TMEM132C: variants seen among roughly 807,000 people sequenced by gnomAD.
The protein encoded by TMEM132C is transmembrane protein 132C, also known as protein phosphatase 1, regulatory subunit 152.
Under a neutral mutation model 61.4 loss-of-function variants are expected in TMEM132C, and 29 were observed. That is an observed-to-expected ratio of 0.47 (90% CI 0.35 to 0.64). The LOEUF (loss-of-function observed/expected upper bound fraction) is 0.64. Among genes scored for constraint, TMEM132C ranks in the 30% least tolerant of loss-of-function variants. The pLI is 0.00. For synonymous variants in TMEM132C, 656 were observed against 633.1 expected (o/e 1.04, Z -0.54); for missense variants, 1,408 against 1,476.9 (o/e 0.95, Z 0.76).
intron 2 of TMEM132C, among the ~76,000 whole-genome samples, chr12:128,538,295 TG>T (rs762572080): frequency 1.3e-4 from 18 of 137,242 alleles, no homozygotes; most frequent in Non-Finnish European, 2.6e-4. Flanking sequence ...TAATTTTTTT[TG>T]TATTTTCAGT....
intron 5 of TMEM132C, among the ~76,000 whole-genome samples, chr12:128,693,125 C>T (rs541896635): frequency 2.0e-5 from 3 of 152,214 alleles, no homozygotes; most frequent in East Asian, 1.9e-4. Context: ...GCACAGGGAC[C>T]GGCCTTGCCA....
At chr12:128,552,798 C>T (rs1232334808) in intron 3 of TMEM132C, among the ~76,000 whole-genome samples, 2 of 152,090 alleles carry the variant, frequency 1.3e-5, no homozygotes, top group African/African-American at 4.8e-5. Context: ...ATCCCAGCTA[C>T]TCAGGAGGCT....
chr12:128,404,628 T>A (rs1324550593), intron 1 of TMEM132C: 5 of 145,068 alleles, frequency 3.4e-5, no homozygotes, highest in Admixed American at 1.4e-4. Context: ...CTTGCCATAT[T>A]CCATTCAACC....
At chr12:128,593,175 T>C (rs1353558309) in intron 3 of TMEM132C, among the ~76,000 whole-genome samples, 1 of 150,638 alleles carries the variant, frequency 6.6e-6, no homozygotes, top group African/African-American at 2.5e-5. Context: ...TCTCTTTCTC[T>C]CTCTTCCCCT....
intron 5 of TMEM132C, among the ~76,000 whole-genome samples, chr12:128,693,027 G>A (rs777591460): frequency 6.6e-6 from 1 of 152,080 alleles, no homozygotes; most frequent in Non-Finnish European, 1.5e-5. Flanking sequence ...ATAATCCCAC[G>A]GGGTCATAGA....
At chr12:128,303,040 ATG>A (rs1032058449) in intron 1 of TMEM132C, among the ~76,000 whole-genome samples, 2 of 152,214 alleles carry the variant, frequency 1.3e-5, no homozygotes, top group African/African-American at 4.8e-5. Flanking sequence ...TAAATCAGTG[ATG>A]GGGAAAATCA....
intron 1 of TMEM132C, among the ~76,000 whole-genome samples, chr12:128,299,189 A>G (rs757475815): frequency 5.9e-5 from 9 of 152,184 alleles, no homozygotes; most frequent in Non-Finnish European, 1.0e-4. Flanking sequence ...AAATTGTACT[A>G]GAGATATTGG....
intron 1 of TMEM132C, among the ~76,000 whole-genome samples, chr12:128,270,851 C>T (rs918547043): frequency 1.3e-5 from 2 of 152,268 alleles, no homozygotes; most frequent in African/African-American, 4.8e-5. Flanking sequence ...TATTATAGTT[C>T]TTCTTCTATA....
intron 2 of TMEM132C, among the ~76,000 whole-genome samples, chr12:128,484,049 G>C (rs969863690): frequency 2.6e-5 from 4 of 152,070 alleles, no homozygotes; most frequent in Non-Finnish European, 4.4e-5. Context: ...CCCTGCAGTA[G>C]CTTAGACTGA....
intron 2 of TMEM132C, among the ~76,000 whole-genome samples, chr12:128,487,367 T>C (rs1181974654): frequency 5.3e-5 from 8 of 152,258 alleles, no homozygotes; most frequent in African/African-American, 1.9e-4. Context: ...GGCCATAATC[T>C]AACACACTAA....
At position 128,669,580 on chromosome 12, in the gene TMEM132C, G is replaced by A. The variant is rs908877791; in HGVS notation, c.1449+20G>A. 6.5e-7 allele frequency: 1 copy of A among 1,550,164 alleles called. No individual in the cohort carries two copies. The highest frequency in any genetic ancestry group is 8.7e-7 in the Non-Finnish European group (1 of 1,146,184). On this transcript the variant is annotated intron_variant, in intron 5 of 8. Transcript: ENST00000435159. ...ATCAAAGTAAGTCATTCCACAGCCA[G>A]CTGGATGGAACCGGTGGGAACTTCA...
chr12:128,592,074 A>AAG (rs1875773853), intron 3 of TMEM132C, among the ~76,000 whole-genome samples: 1 of 150,258 alleles, frequency 6.7e-6, no homozygotes, highest in African/African-American at 2.5e-5. Context: ...AAAAAAAAAA[A>AAG]CAGACACAGC....
intron 1 of TMEM132C, among the ~76,000 whole-genome samples, chr12:128,316,629 T>TA (rs1250197822): frequency 2.0e-5 from 3 of 152,162 alleles, no homozygotes; most frequent in South Asian, 2.1e-4. Flanking sequence ...AACTTAAAAT[T>TA]ACGCCTATTC....
At chr12:128,593,092 CCT>C (rs1875814258) in intron 3 of TMEM132C, among the ~76,000 whole-genome samples, 1 of 150,660 alleles carries the variant, frequency 6.6e-6, no homozygotes, top group Admixed American at 6.6e-5. Context: ...TTCTCTCTTA[CCT>C]CTCTTTCTTC....
chr12:128,399,903 A>G (rs1478862617), intron 1 of TMEM132C: 2 of 152,220 alleles, frequency 1.3e-5, no homozygotes, highest in Non-Finnish European at 2.9e-5. Flanking sequence ...AGAACACAGA[A>G]AGAGTCATTT....
At chr12:128,312,108 T>C (rs898218691) in intron 1 of TMEM132C, among the ~76,000 whole-genome samples, 1 of 152,178 alleles carries the variant, frequency 6.6e-6, no homozygotes, top group Non-Finnish European at 1.5e-5. Flanking sequence ...GAACCTTCCC[T>C]CCCTCTCTCA....
At chr12:128,617,290 G>C (rs1297127883) in intron 4 of TMEM132C, among the ~76,000 whole-genome samples, 1 of 152,164 alleles carries the variant, frequency 6.6e-6, no homozygotes, top group Non-Finnish European at 1.5e-5. Flanking sequence ...CTCTTTGTTA[G>C]TCACAAGGTG....
intron 2 of TMEM132C, among the ~76,000 whole-genome samples, chr12:128,541,027 G>GTCTCTGTCTC (rs1555230917): frequency 6.7e-6 from 1 of 149,700 alleles, no homozygotes; most frequent in South Asian, 2.2e-4. Flanking sequence ...CTCTTTCTCT[G>GTCTCTGTCTC]TCTCTCTCTC....
rs1490605818 is a variant in TMEM132C at position 128,686,952 on chromosome 12, T to C, written c.1450-6877T>C. 2.6e-5 allele frequency among the ~76,000 whole-genome samples: 4 copies of C among 151,832 alleles called. No homozygotes were observed. The East Asian group carries it at 7.8e-4, about 29-fold the overall frequency. ...TAGCTCACACCTGTAATCCCAGCAA[T>C]TTAGGAGGCCAAGGTGGGTGGATTA... On this transcript the variant is annotated intron_variant, in intron 5 of 8. Coordinates refer to ENST00000435159, the MANE Select transcript of TMEM132C (RefSeq NM_001136103.3).
Sources: allele counts gnomAD v4.1 joint callset (sites outside exome capture counted in the v4.1 genomes callset), GRCh38; gene constraint gnomAD v4.1.1; transcripts MANE v1.5; gene names NCBI Gene and HGNC (gene_info 2026-07-23, HGNC 2026-07-21).